Variants in IKZF3 observed in about 807,000 individuals in gnomAD.
IKZF3 encodes IKAROS family zinc finger 3, also known as zinc finger protein Aiolos.
In IKZF3, 10 loss-of-function variants were observed where a neutral mutation model predicts 49.0. That is an observed-to-expected ratio of 0.20 (90% CI 0.13 to 0.35). The LOEUF is 0.35. Among genes scored for constraint, IKZF3 ranks in the 10% least tolerant of loss-of-function variants. The pLI is 1.00. For synonymous variants in IKZF3, 209 were observed against 228.2 expected, an observed-to-expected ratio of 0.92 and a Z score of 0.76; for missense variants, 498 against 664.8, an observed-to-expected ratio of 0.75 and a Z score of 2.76.
chr17:39,822,372 C>T (rs560533814), intron 3 of IKZF3, among the ~76,000 whole-genome samples: 2 of 152,030 alleles, frequency 1.3e-5, no homozygotes, highest in East Asian at 3.9e-4. Context: ...ATGCTGTTCT[C>T]GTGACAGTGA....
chr17:39,820,699 C>T (rs557654286), intron 3 of IKZF3, among the ~76,000 whole-genome samples: 173 of 152,214 alleles, frequency 1.1e-3, no homozygotes, highest in African/African-American at 3.9e-3. Context: ...GTATTCATAA[C>T]GAGCCCCTTT....
intron 3 of IKZF3, among the ~76,000 whole-genome samples, chr17:39,808,893 C>T (rs150112099): frequency 4.9e-4 from 74 of 152,210 alleles, no homozygotes; most frequent in African/African-American, 1.7e-3. Context: ...GTTCAAATGT[C>T]GGTGGATGGG....
At chr17:39,836,018 C>T (rs539765653) in intron 1 of IKZF3, 1 of 639,570 alleles carries the variant, frequency 1.6e-6, no homozygotes, top group African/African-American at 1.8e-5. Flanking sequence ...TCCAAGCTGT[C>T]TTCTGCTGCC....
intron 6 of IKZF3, among the ~76,000 whole-genome samples, chr17:39,779,688 C>T (rs899365341): frequency 3.7e-5 from 4 of 108,226 alleles, no homozygotes; most frequent in Admixed American, 3.4e-4. Context: ...CTTTTAAAAA[C>T]GTAAAAATCC....
intron 3 of IKZF3, among the ~76,000 whole-genome samples, chr17:39,804,053 C>T (rs1479618112): frequency 6.6e-6 from 1 of 152,138 alleles, no homozygotes; most frequent in South Asian, 2.1e-4. Context: ...GTATTTATCT[C>T]CCATATAGAC....
intron 3 of IKZF3, among the ~76,000 whole-genome samples, chr17:39,801,863 G>A (rs984732268): frequency 2.6e-5 from 4 of 151,814 alleles, no homozygotes; most frequent in Non-Finnish European, 4.4e-5. Flanking sequence ...AATAATGGAC[G>A]TCTGTTAATT....
intron 3 of IKZF3, among the ~76,000 whole-genome samples, chr17:39,818,702 A>G (rs2061733596): frequency 6.6e-6 from 1 of 152,126 alleles, no homozygotes; most frequent in Non-Finnish European, 1.5e-5. Flanking sequence ...TCCTAAAAAT[A>G]TAAAAATTAG....
chr17:39,824,270 A>G (rs1465100119), intron 3 of IKZF3, among the ~76,000 whole-genome samples: 1 of 152,196 alleles, frequency 6.6e-6, no homozygotes, highest in African/African-American at 2.4e-5. Context: ...GTTTTGGCCA[A>G]TATCTCCCAT....
chr17:39,828,913 A>C (rs1178712666), intron 3 of IKZF3, among the ~76,000 whole-genome samples: 4 of 152,114 alleles, frequency 2.6e-5, no homozygotes, highest in Admixed American at 2.6e-4. Flanking sequence ...AGGCAGGAGA[A>C]TCACTAAAAC....
chr17:39,767,992 T>C (rs1404164122), intron 7 of IKZF3, among the ~76,000 whole-genome samples: 2 of 151,934 alleles, frequency 1.3e-5, no homozygotes, highest in Non-Finnish European at 2.9e-5. Flanking sequence ...GCAGAGATTG[T>C]AGTGAGCTGA....
chr17:39,831,592 G>A (rs2062109778), intron 2 of IKZF3, among the ~76,000 whole-genome samples: 1 of 152,252 alleles, frequency 6.6e-6, no homozygotes, highest in Admixed American at 6.5e-5. Context: ...TGAGGTACAA[G>A]TCTGACCATA....
intron 3 of IKZF3, among the ~76,000 whole-genome samples, chr17:39,799,303 G>A (rs2061257624): frequency 6.6e-6 from 1 of 152,068 alleles, no homozygotes; most frequent in African/African-American, 2.4e-5. Flanking sequence ...CTGGCCCACG[G>A]TACATGTGAC....
chr17:39,816,960 T>A (rs1463418527), intron 3 of IKZF3, among the ~76,000 whole-genome samples: 1 of 152,214 alleles, frequency 6.6e-6, no homozygotes, highest in Non-Finnish European at 1.5e-5. Flanking sequence ...GCGATCTGCC[T>A]GCCTGGGCCT....
At chr17:39,820,787 A>G (rs886820380) in intron 3 of IKZF3, among the ~76,000 whole-genome samples, 97 of 152,304 alleles carry the variant, frequency 6.4e-4, no homozygotes, top group African/African-American at 2.1e-3. Context: ...GCTGTTCACC[A>G]GAAGGACCTG....
At chr17:39,816,592 G>T (rs2061682722) in intron 3 of IKZF3, among the ~76,000 whole-genome samples, 1 of 152,198 alleles carries the variant, frequency 6.6e-6, no homozygotes, top group Non-Finnish European at 1.5e-5. Flanking sequence ...TTTACTATCT[G>T]GTCCTTTACA....
intron 1 of IKZF3, among the ~76,000 whole-genome samples, chr17:39,857,063 T>C (rs530511496): frequency 3.7e-4 from 57 of 152,300 alleles, no homozygotes; most frequent in African/African-American, 1.3e-3. Flanking sequence ...GCCTACACTG[T>C]ATGTAAGCAT....
At chr17:39,856,119 C>G (rs947237413) in intron 1 of IKZF3, among the ~76,000 whole-genome samples, 1 of 149,730 alleles carries the variant, frequency 6.7e-6, no homozygotes, top group Non-Finnish European at 1.5e-5. Context: ...TACAATATAA[C>G]ATGTATATAA....
intron 6 of IKZF3, among the ~76,000 whole-genome samples, chr17:39,786,532 T>G (rs1462309218): frequency 6.6e-6 from 1 of 152,224 alleles, no homozygotes; most frequent in East Asian, 1.9e-4. Context: ...GCATGCCACT[T>G]AAGATGTCAA....
intron 7 of IKZF3, among the ~76,000 whole-genome samples, chr17:39,768,419 G>T (rs1360983061): frequency 6.6e-6 from 1 of 152,190 alleles, no homozygotes; most frequent in Non-Finnish European, 1.5e-5. Context: ...AGCGAGTCTG[G>T]CTGAAACGCG....
Sources: gnomAD v4.1 joint callset for allele counts (sites outside exome capture counted in the v4.1 genomes callset) on GRCh38, gnomAD v4.1.1 for gene constraint, MANE v1.5 for transcripts, NCBI Gene and HGNC (gene_info 2026-07-23, HGNC 2026-07-21) for gene names.